Variants in YY1AP1 observed in about 807,000 individuals in gnomAD.
YY1AP1 encodes YY1-associated protein 1.
A neutral mutation model predicts 39.9 loss-of-function variants in YY1AP1; 43 were observed. The ratio of observed to expected loss-of-function variants is 1.08; its 90% CI spans 0.84 to 1.39. The LOEUF (loss-of-function observed/expected upper bound fraction) is 1.39. YY1AP1 is among the 40% of genes most tolerant of loss of function. YY1AP1 has a pLI of 0.00. For missense variants in YY1AP1, 813 were observed against 900.7 expected, an observed-to-expected ratio of 0.90 and a Z score of 1.25; for synonymous variants, 292 against 331.3, an observed-to-expected ratio of 0.88 and a Z score of 1.29.
intron 3 of YY1AP1, 68 bp from the exon 4 acceptor site, chr1:155,679,580 A>G (rs1428597910): frequency 6.8e-6 from 11 of 1,612,160 alleles, no homozygotes; most frequent in Non-Finnish European, 8.5e-6. Context: ...AGTGTTGGGA[A>G]GGAAAAGTGA....
At chr1:155,679,709 TTG>T in intron 3 of YY1AP1, 197 bp from the exon 4 acceptor site, 1 of 985,420 alleles carries the variant, frequency 1.0e-6, no homozygotes, top group Non-Finnish European at 1.2e-6. Context: ...AGGAAAGAAG[TTG>T]CTCAACCAGT....
In YY1AP1 at chr1:155,665,663, C is replaced by T. The variant is rs186055058; in HGVS notation, c.879+2964G>A. ...CGTGGTGTCTCACGCCTGTAATCCC[C>T]GCACTCTGGGAGGCTGAGGTGGGTG... On this transcript the variant is annotated intron_variant, in intron 9 of 10. Coordinates refer to ENST00000355499, the MANE Select transcript of YY1AP1 (RefSeq NM_139119.3). Among the ~76,000 whole-genome samples the T allele has an allele frequency of 1.1e-3, 167 of 151,114 alleles. 1 individual carries two copies. Among genetic ancestry groups the T allele is most frequent in the Non-Finnish European group, 3.0e-4 (20 of 67,738 alleles).
chr1:155,681,454 C>T (rs1362648428), intron 2 of YY1AP1, among the ~76,000 whole-genome samples: 1 of 152,116 alleles, frequency 6.6e-6, no homozygotes, highest in African/African-American at 2.4e-5. Flanking sequence ...TGGGCTTGGT[C>T]GCACATGCAT....
intron 2 of YY1AP1, among the ~76,000 whole-genome samples, chr1:155,681,664 C>A (rs575340693): frequency 2.4e-4 from 37 of 151,982 alleles, no homozygotes; most frequent in Non-Finnish European, 5.1e-4. Context: ...CCGACCTATT[C>A]AAAAACTCCA....
intron 4 of YY1AP1, among the ~76,000 whole-genome samples, chr1:155,678,864 C>T (rs1453817213): frequency 6.6e-6 from 1 of 152,182 alleles, no homozygotes; most frequent in Non-Finnish European, 1.5e-5. Flanking sequence ...GAATAAAGTG[C>T]AGATGCAAAT....
intron 9 of YY1AP1, among the ~76,000 whole-genome samples, chr1:155,662,962 A>T (rs1242156931): frequency 6.6e-6 from 1 of 152,012 alleles, no homozygotes; most frequent in Non-Finnish European, 1.5e-5. Flanking sequence ...CCAAGACTGC[A>T]CCACTGCACT....
intron 9 of YY1AP1, among the ~76,000 whole-genome samples, chr1:155,664,009 A>T (rs1469668401): frequency 1.3e-5 from 1 of 74,470 alleles, no homozygotes; most frequent in African/African-American, 4.2e-5. Flanking sequence ...ACCATGTCTT[A>T]AAAAAAAAAA....
intron 9 of YY1AP1, among the ~76,000 whole-genome samples, chr1:155,665,113 C>T (rs2149031213): frequency 6.6e-6 from 1 of 151,966 alleles, no homozygotes; most frequent in South Asian, 2.1e-4. Flanking sequence ...CAAGCACTCT[C>T]CCTCAGGATG....
At position 155,660,918 on chromosome 1, in the gene YY1AP1, T is replaced by C. The variant is rs1194585149; in HGVS notation, c.997-5A>G. 8 of 1,614,136 alleles carry C rather than the reference T, an allele frequency of 5.0e-6. No individual in the cohort carries two copies. Among genetic ancestry groups the C allele is most frequent in the Non-Finnish European group, 5.9e-6 (7 of 1,180,048 alleles). On this transcript the variant is annotated splice_region_variant and splice_polypyrimidine_tract_variant and intron_variant, in intron 10 of 10. Transcript: ENST00000355499. ...CTGGATGGATGGCAGACTGGCCTAT[T>C]GGAAATGAGAACACTCTGATCCAGC...
intron 6 of YY1AP1, among the ~76,000 whole-genome samples, chr1:155,674,187 C>T (rs1156249764): frequency 1.4e-5 from 2 of 142,618 alleles, no homozygotes; most frequent in South Asian, 2.2e-4. Flanking sequence ...AAAAAAAAAG[C>T]TCAAAATACC....
Position 155,679,566 on chromosome 1 carries a change from C to T in YY1AP1, c.22-54G>A, listed in dbSNP as rs1651234472. ...CTGGGGAATGGGCTTTTGAATGTTG[C>T]TCCAGTGTTGGGAAGGAAAAGTGAA... On this transcript the variant is annotated intron_variant, in intron 3 of 10. Coordinates refer to ENST00000355499, the MANE Select transcript of YY1AP1 (RefSeq NM_139119.3). 1.9e-6 allele frequency: 3 copies of T among 1,613,506 alleles called. No individual in the cohort carries two copies. The South Asian group carries it at 3.3e-5, about 18-fold the overall frequency.
chr1:155,660,449 G>T lies in YY1AP1; in HGVS notation c.1461C>A (p.Pro487=), dbSNP rs142902174. ...FESPAALPAM[P]PEARTSFPLS... ...GAGGGAAGCTTGTCCTGGCCTCAGG[G>T]GGCATAGCAGGCAGTGCTGCAGGAG... The change falls in exon 11 of 11, where the codon CCC becomes CCA. Residue 487 remains proline (P), a synonymous_variant. Coordinates refer to ENST00000355499, the MANE Select transcript of YY1AP1 (RefSeq NM_139119.3). 2 of 1,614,136 alleles carry T rather than the reference G, an allele frequency of 1.2e-6. No individual in the cohort carries two copies. Among genetic ancestry groups the T allele is most frequent in the Non-Finnish European group, 1.7e-6 (2 of 1,180,034 alleles).
intron 9 of YY1AP1, among the ~76,000 whole-genome samples, chr1:155,663,878 C>T (rs1219683179): frequency 6.6e-6 from 1 of 151,916 alleles, no homozygotes; most frequent in Admixed American, 6.6e-5. Flanking sequence ...AGGTGTTACA[C>T]AAAGACTCAA....
At chr1:155,681,643 T>C (rs1558315843) in intron 2 of YY1AP1, among the ~76,000 whole-genome samples, 1 of 152,020 alleles carries the variant, frequency 6.6e-6, no homozygotes, top group Non-Finnish European at 1.5e-5. Flanking sequence ...CATAGGACTC[T>C]ATCTTTGGAC....
intron 5 of YY1AP1, 69 bp downstream of exon 5, chr1:155,676,479 G>A: frequency 6.3e-7 from 1 of 1,576,638 alleles, no homozygotes; most frequent in Non-Finnish European, 8.7e-7. Flanking sequence ...GCTAATTTTA[G>A]ATTATACCAA....
intron 2 of YY1AP1, among the ~76,000 whole-genome samples, chr1:155,686,762 T>C (rs1160659393): frequency 1.3e-5 from 2 of 152,134 alleles, no homozygotes; most frequent in African/African-American, 4.8e-5. Flanking sequence ...CAAAATAATA[T>C]AGCCATGGAT....
At chr1:155,664,710 A>G (rs1648685960) in intron 9 of YY1AP1, among the ~76,000 whole-genome samples, 1 of 152,060 alleles carries the variant, frequency 6.6e-6, no homozygotes, top group South Asian at 2.1e-4. Context: ...AAAAAAAATA[A>G]AACAAAAACA....
At chr1:155,661,143 C>A in intron 10 of YY1AP1, 164 bp downstream of exon 10, 1 of 1,554,384 alleles carries the variant, frequency 6.4e-7, no homozygotes, top group South Asian at 1.2e-5. Flanking sequence ...TGTAGAATCA[C>A]CCGGAGAAGG....
chr1:155,667,193 A>G (rs973567481), intron 9 of YY1AP1, among the ~76,000 whole-genome samples: 2 of 152,044 alleles, frequency 1.3e-5, no homozygotes, highest in African/African-American at 4.8e-5. Flanking sequence ...CTCAAGAAAA[A>G]TACAAAAACA....
Sources: allele counts gnomAD v4.1 joint callset (sites outside exome capture counted in the v4.1 genomes callset), GRCh38; gene constraint gnomAD v4.1.1; transcripts MANE v1.5; gene names NCBI Gene and HGNC (gene_info 2026-07-23, HGNC 2026-07-21).